USP34: variants seen among roughly 807,000 people sequenced by gnomAD.
The protein encoded by USP34 is ubiquitin specific peptidase 34.
Under a neutral mutation model 460.3 loss-of-function variants are expected in USP34, and 70 were observed. The observed-to-expected ratio is 0.15, with a 90% CI of 0.13 to 0.19. The LOEUF is 0.19. USP34 is among the 10% of genes least tolerant of loss of function. The pLI is 1.00. For synonymous variants in USP34, 1,647 were observed against 1,405.3 expected, an observed-to-expected ratio of 1.17 and a Z score of -3.85; for missense variants, 3,985 against 4,236.2, an observed-to-expected ratio of 0.94 and a Z score of 1.65.
At chr2:61,229,465 A>AAAAAAAAAAC in intron 59 of USP34, 83 bp downstream of exon 59, 1 of 633,292 alleles carries the variant, frequency 1.6e-6, no homozygotes, top group Non-Finnish European at 2.2e-6. Flanking sequence ...CTTAAAAAAA[A>AAAAAAAAAAC]AAAAAAAAAA....
In USP34 at chr2:61,283,461, A is replaced by G. The variant is rs1174952433; in HGVS notation, c.4833-12T>C. On this transcript the variant is annotated splice_polypyrimidine_tract_variant and intron_variant, in intron 35 of 79. Transcript: ENST00000398571. ...GAGCTTTTAAAACTCTGTAAAGTAAAAACACCACCACCACCAATTAAATTC... is the reference window on the plus strand; with the variant it reads ...GAGCTTTTAAAACTCTGTAAAGTAAGAACACCACCACCACCAATTAAATTC... 1.9e-6 allele frequency: 3 copies of G among 1,605,476 alleles called. No homozygotes were observed. In the Admixed American group the frequency reaches 5.1e-5, roughly 27 times the overall value.
intron 41 of USP34, among the ~76,000 whole-genome samples, chr2:61,276,056 T>C (rs1460218627): frequency 6.6e-6 from 1 of 151,908 alleles, no homozygotes; most frequent in Non-Finnish European, 1.5e-5. Context: ...CAAATAAATA[T>C]CAAATACAAA....
chr2:61,299,904 T>TATCC (rs1226326966), intron 29 of USP34, among the ~76,000 whole-genome samples: 1 of 152,252 alleles, frequency 6.6e-6, no homozygotes, highest in Non-Finnish European at 1.5e-5. Flanking sequence ...GGCATCTATC[T>TATCC]ATCCTTCAGC....
chr2:61,340,911 A>G (rs908192566), intron 16 of USP34, among the ~76,000 whole-genome samples: 4 of 129,544 alleles, frequency 3.1e-5, no homozygotes, highest in Non-Finnish European at 3.3e-5. Flanking sequence ...TTTCGCTTTC[A>G]TAATTTTATC....
intron 5 of USP34, among the ~76,000 whole-genome samples, chr2:61,386,618 A>T (rs1319365118): frequency 1.3e-5 from 2 of 152,052 alleles, no homozygotes; most frequent in Non-Finnish European, 2.9e-5. Context: ...GTGAAACCCC[A>T]TCTATACTAA....
chr2:61,355,957 T>A (rs188500248), intron 10 of USP34, among the ~76,000 whole-genome samples: 2 of 152,264 alleles, frequency 1.3e-5, no homozygotes, highest in East Asian at 3.9e-4. Context: ...GGGTTGGCTA[T>A]ACTAACATCA....
intron 10 of USP34, among the ~76,000 whole-genome samples, chr2:61,356,148 G>A (rs1692094902): frequency 6.7e-6 from 1 of 149,744 alleles, no homozygotes; most frequent in South Asian, 2.1e-4. Context: ...TGTAAAAGCA[G>A]CCCAAATGTC....
rs533911811 is a variant in USP34, at chr2:61,379,494, T to C, written c.1014+675A>G. On this transcript the variant is annotated intron_variant, in intron 7 of 79. Coordinates refer to ENST00000398571, the MANE Select transcript of USP34 (RefSeq NM_014709.4). Reference sequence around the variant, plus strand: ...GAGATCATGCCATTGCACAACAGAATGGGACTCCATCTCCAAGAAAAACCA... The same window carrying C: ...GAGATCATGCCATTGCACAACAGAACGGGACTCCATCTCCAAGAAAAACCA... Among the ~76,000 whole-genome samples the C allele has an allele frequency of 3.9e-5, 6 of 152,140 alleles. No individual in the cohort carries two copies. In the East Asian group the frequency reaches 1.2e-3, roughly 29 times the overall value.
intron 5 of USP34, among the ~76,000 whole-genome samples, chr2:61,388,227 G>A (rs1319713275): frequency 6.6e-6 from 1 of 152,004 alleles, no homozygotes; most frequent in African/African-American, 2.4e-5. Flanking sequence ...TGGGTGACAA[G>A]AGTAAGACAC....
At chr2:61,197,715 A>G (rs1432968733) in intron 75 of USP34, among the ~76,000 whole-genome samples, 1 of 152,164 alleles carries the variant, frequency 6.6e-6, no homozygotes, top group African/African-American at 2.4e-5. Flanking sequence ...CTCCTGCCTC[A>G]GCCTCCTGAG....
intron 10 of USP34, among the ~76,000 whole-genome samples, chr2:61,361,339 C>G (rs1692269591): frequency 6.6e-6 from 1 of 152,226 alleles, no homozygotes; most frequent in African/African-American, 2.4e-5. Flanking sequence ...GGAAGATCAC[C>G]TCAGTGCAGG....
intron 43 of USP34, 43 bp downstream of exon 43, chr2:61,265,354 A>T (rs771920769): frequency 1.9e-6 from 3 of 1,564,986 alleles, no homozygotes; most frequent in Non-Finnish European, 2.6e-6. Flanking sequence ...AAATATTAAA[A>T]TCTGGTTTAT....
intron 21 of USP34, 76 bp from the exon 22 acceptor site, chr2:61,319,403 T>C (rs1690845265): frequency 2.8e-6 from 3 of 1,078,144 alleles, no homozygotes; most frequent in Non-Finnish European, 2.5e-6. Context: ...CATGTGTATG[T>C]ACAGTAAGTC....
intron 16 of USP34, among the ~76,000 whole-genome samples, chr2:61,341,603 C>A (rs1319509613): frequency 6.6e-6 from 1 of 151,874 alleles, no homozygotes; most frequent in Non-Finnish European, 1.5e-5. Flanking sequence ...TGCCATGAGA[C>A]CCCTGCTCCC....
At position 61,406,027 on chromosome 2, in the gene USP34, C is replaced by T. The variant is rs763398658; in HGVS notation, c.233G>A (p.Arg78Gln). ...NLVIAQVQVL[R>Q]DQLCKHCTTI... The stretch of plus-strand genomic sequence containing the variant: ...AGTACAATGTTTACAAAGCTGGTCC[C>T]GGAGCACTTGAACTTGGGCAATCAC... Residue 78 changes from arginine to glutamine, a missense_variant, in exon 3 of 80, where the codon CGG becomes CAG. By Grantham distance (43) the Arg-to-Gln change is conservative. This residue lies in a region of USP34 where 331 missense variants were observed against 293.7 expected (regional missense o/e 1.13). Coordinates refer to ENST00000398571, the MANE Select transcript of USP34 (RefSeq NM_014709.4). 2 of 1,613,616 alleles carry T rather than the reference C, an allele frequency of 1.2e-6. No individual in the cohort carries two copies. Among genetic ancestry groups the T allele is most frequent in the Non-Finnish European group, 8.5e-7 (1 of 1,179,932 alleles).
intron 76 of USP34, among the ~76,000 whole-genome samples, chr2:61,191,877 AG>A (rs1686654108): frequency 6.6e-6 from 1 of 152,228 alleles, no homozygotes; most frequent in Non-Finnish European, 1.5e-5. Flanking sequence ...AACTGATAAA[AG>A]TCATTTTCTG....
chr2:61,430,341 T>G (rs1297720738), intron 1 of USP34, among the ~76,000 whole-genome samples: 2 of 151,814 alleles, frequency 1.3e-5, no homozygotes, highest in East Asian at 1.9e-4. Flanking sequence ...GAGGCAGAGG[T>G]TGCAATGAGC....
intron 39 of USP34, among the ~76,000 whole-genome samples, 169 bp from the exon 40 acceptor site, chr2:61,278,612 C>G (rs1364979076): frequency 6.6e-6 from 1 of 151,928 alleles, no homozygotes; most frequent in African/African-American, 2.4e-5. Flanking sequence ...GTCAATTAAC[C>G]AAATGAGTCT....
chr2:61,234,774 G>T (rs1688014808), intron 57 of USP34, among the ~76,000 whole-genome samples: 1 of 151,966 alleles, frequency 6.6e-6, no homozygotes, highest in Admixed American at 6.6e-5. Flanking sequence ...CCAGTAGTTG[G>T]GATTACAAGT....
Sources: allele counts gnomAD v4.1 joint callset (sites outside exome capture counted in the v4.1 genomes callset), GRCh38; gene constraint gnomAD v4.1.1; regional missense constraint gnomAD v4.1.1; transcripts MANE v1.5; gene names NCBI Gene and HGNC (gene_info 2026-07-23, HGNC 2026-07-21).